The following ADA2 variants were observed in gnomAD, a reference collection of about 807,000 sequenced individuals.
The protein encoded by ADA2 is adenosine deaminase CECR1.
In ADA2, 29 loss-of-function variants were observed where a neutral mutation model predicts 44.2. The ratio of observed to expected loss-of-function variants is 0.66; its 90% CI spans 0.49 to 0.89. The LOEUF (loss-of-function observed/expected upper bound fraction) is 0.89. ADA2 is among the 40% of genes least tolerant of loss of function. The pLI is 0.00. For synonymous variants in ADA2, 215 were observed against 234.9 expected, an observed-to-expected ratio of 0.92 and a Z score of 0.77; for missense variants, 637 against 644.8, an observed-to-expected ratio of 0.99 and a Z score of 0.13.
Position 17,183,975 on chromosome 22 carries a change from T to TTC in ADA2, c.1082-1215_1082-1214insGA, listed in dbSNP as rs386394909. Among the ~76,000 whole-genome samples the TTC allele has an allele frequency of 3.8e-3, 547 of 144,070 alleles. 7 individuals carry two copies. Among genetic ancestry groups the TTC allele is most frequent in the African/African-American group, 0.013 (512 of 38,372 alleles). 94.5% of individuals were successfully genotyped at this position (144,070 alleles called of 152,430 possible). ...CCTTTCTTTTTTTTTTTTTTTTTTT[T>TTC]TGAGATGGAGTCTCGCTCTGTCACC... On this transcript the variant is annotated intron_variant, in intron 7 of 9. Coordinates refer to ENST00000399837, the MANE Select transcript of ADA2 (RefSeq NM_001282225.2).
chr22:17,193,030 A>G (rs763486744), intron 4 of ADA2: 3 of 684,378 alleles, frequency 4.4e-6, no homozygotes, highest in African/African-American at 1.8e-5. Context: ...GGTATTCACA[A>G]CGGGGTTCAT....
At chr22:17,187,281 A>G (rs1398062628) in intron 7 of ADA2, among the ~76,000 whole-genome samples, 3 of 151,942 alleles carry the variant, frequency 2.0e-5, no homozygotes, top group African/African-American at 7.3e-5. Flanking sequence ...CTGCCTCCCT[A>G]AGTGCTAGAA....
intron 7 of ADA2, among the ~76,000 whole-genome samples, chr22:17,183,547 G>A (rs1188693756): frequency 1.5e-5 from 2 of 132,922 alleles, no homozygotes; most frequent in African/African-American, 5.7e-5. Context: ...TGCAACCTCC[G>A]CCTCCCGGGT....
At chr22:17,183,456 CTTTTT>C (rs1227906560) in intron 7 of ADA2, among the ~76,000 whole-genome samples, 1 of 77,420 alleles carries the variant, frequency 1.3e-5, no homozygotes, top group Non-Finnish European at 2.5e-5. Flanking sequence ...TTGTGGCACT[CTTTTT>C]TTTTTTTTTT....
intron 2 of ADA2, among the ~76,000 whole-genome samples, chr22:17,208,838 A>ATTTTTTTTT (rs796662081): frequency 2.1e-5 from 3 of 142,912 alleles, no homozygotes; most frequent in Non-Finnish European, 1.5e-5. Flanking sequence ...AAAAATTAAC[A>ATTTTTTTTT]TTTTTTGGGG....
intron 5 of ADA2, 85 bp downstream of exon 5, chr22:17,191,598 C>G: frequency 2.1e-6 from 3 of 1,430,804 alleles, no homozygotes; most frequent in Non-Finnish European, 2.9e-6. Flanking sequence ...CCCAGCCCCG[C>G]TTCTCACCCC....
intron 4 of ADA2, among the ~76,000 whole-genome samples, chr22:17,202,225 G>A (rs1436615459): frequency 1.3e-5 from 2 of 151,898 alleles, no homozygotes; most frequent in East Asian, 1.9e-4. Context: ...CACCTCCCAG[G>A]TTCAAGCAAT....
intron 4 of ADA2, chr22:17,192,908 GCCACCCTCAGACCC>G (rs1240231620): frequency 1.8e-6 from 1 of 544,390 alleles, no homozygotes; most frequent in Non-Finnish European, 3.5e-6. Flanking sequence ...TGGCATCATG[GCCACCCTCAGACCC>G]CTTGTGAAGC....
chr22:17,188,629 C>T (rs1451372544), intron 6 of ADA2, 182 bp from the exon 7 acceptor site: 8 of 454,452 alleles, frequency 1.8e-5, no homozygotes, highest in Non-Finnish European at 3.2e-5. Context: ...CCTGTAATCC[C>T]AGCACTTTGG....
chr22:17,221,296 T>G (rs199872663), upstream of ADA2, among the ~76,000 whole-genome samples: 2 of 53,978 alleles, frequency 3.7e-5, no homozygotes, highest in East Asian at 3.0e-3. Context: ...TTTTTGTGGG[T>G]TTTTTTTATA....
intron 4 of ADA2, chr22:17,199,446 T>TCCCACCCCTCAACAATACTCATCCCCA: frequency 1.1e-6 from 1 of 917,628 alleles, no homozygotes. Context: ...CCTCTTCCCC[T>TCCCACCCCTCAACAATACTCATCCCCA]CCACCCACGA....
rs776394111 is a variant in ADA2 at position 17,203,533 on chromosome 22, G to A, written c.753+30C>T. ...TGAGTCAGGCCAGAGCAAAGGAGGT[G>A]GGAGGAACAGAGAGGAGAGCTGGGC... On this transcript the variant is annotated intron_variant, in intron 4 of 9. Coordinates refer to ENST00000399837, the MANE Select transcript of ADA2 (RefSeq NM_001282225.2). 15 of 1,564,666 alleles carry A rather than the reference G, an allele frequency of 9.6e-6. No homozygotes were observed. The East Asian group carries it at 3.4e-4, about 35-fold the overall frequency.
chr22:17,188,292 TC>T (rs1238130223), intron 7 of ADA2, 46 bp downstream of exon 7: 1 of 1,401,080 alleles, frequency 7.1e-7, no homozygotes, highest in East Asian at 2.3e-5. Flanking sequence ...CCAGGAGCTC[TC>T]CCATTGACCA....
chr22:17,188,066 A>C (rs1230843915), intron 7 of ADA2, among the ~76,000 whole-genome samples: 1 of 148,306 alleles, frequency 6.7e-6, no homozygotes, highest in African/African-American at 2.5e-5. Context: ...CGACAGAGGG[A>C]GACTCCGTAA....
intron 1 of ADA2, chr22:17,213,893 G>T: frequency 3.4e-6 from 1 of 298,002 alleles, no homozygotes; most frequent in Non-Finnish European, 6.5e-6. Flanking sequence ...CAAAAAATTA[G>T]CTGGGCGTGG....
chr22:17,194,524 G>T (rs756527503), intron 4 of ADA2, among the ~76,000 whole-genome samples: 8 of 152,114 alleles, frequency 5.3e-5, no homozygotes, highest in Non-Finnish European at 1.0e-4. Flanking sequence ...CAGGCGCAGT[G>T]GGGGAGCAGG....
chr22:17,202,117 GC>G (rs1344030595), intron 4 of ADA2, among the ~76,000 whole-genome samples: 1 of 147,244 alleles, frequency 6.8e-6, no homozygotes, highest in Non-Finnish European at 1.5e-5. Flanking sequence ...TTACAGGTGC[GC>G]ACCACCATGC....
chr22:17,220,567 C>T (rs1419942790), upstream of ADA2, among the ~76,000 whole-genome samples: 2 of 152,166 alleles, frequency 1.3e-5, no homozygotes, highest in African/African-American at 4.8e-5. Context: ...TTAGAAGTAA[C>T]TATTGGGATG....
upstream of ADA2, among the ~76,000 whole-genome samples, chr22:17,220,224 G>A (rs2062513407): frequency 6.6e-6 from 1 of 152,102 alleles, no homozygotes; most frequent in Non-Finnish European, 1.5e-5. Context: ...AGGGATGCGG[G>A]GACAGGACAG....
Sources: gnomAD v4.1 joint callset for allele counts (sites outside exome capture counted in the v4.1 genomes callset) on GRCh38, gnomAD v4.1.1 for gene constraint, MANE v1.5 for transcripts, NCBI Gene and HGNC (gene_info 2026-07-23, HGNC 2026-07-21) for gene names.